Variants in NRXN1 observed in about 807,000 individuals in gnomAD.
NRXN1 encodes neurexin 1.
In NRXN1, 39 loss-of-function variants were observed where a neutral mutation model predicts 150.9. That is an observed-to-expected ratio of 0.26 (90% CI 0.20 to 0.34). The LOEUF is 0.34. NRXN1 is among the 10% of genes least tolerant of loss of function. The probability of loss-of-function intolerance (pLI) is 1.00; values close to 1 mark genes in which losing one functional copy is unlikely to be tolerated. For missense variants in NRXN1, 1,815 were observed against 1,949.9 expected (o/e 0.93, Z 1.30); for synonymous variants, 924 against 757.0 (o/e 1.22, Z -3.62).
intron 18 of NRXN1, among the ~76,000 whole-genome samples, chr2:50,211,110 G>A (rs2062982964): frequency 6.6e-6 from 1 of 151,380 alleles, no homozygotes; most frequent in South Asian, 2.1e-4. Flanking sequence ...ATTTAAAAGT[G>A]GCCACTAGAT....
chr2:50,306,770 C>A (rs933736347), intron 17 of NRXN1, among the ~76,000 whole-genome samples: 4 of 152,086 alleles, frequency 2.6e-5, no homozygotes, highest in Non-Finnish European at 4.4e-5. Flanking sequence ...TGAGTGTAAT[C>A]AAAATTCCAG....
chr2:50,739,930 T>A (rs913762946), intron 5 of NRXN1, among the ~76,000 whole-genome samples: 2 of 152,208 alleles, frequency 1.3e-5, no homozygotes, highest in Admixed American at 6.5e-5. Flanking sequence ...AAAAATTATC[T>A]GTGATTTAAA....
chr2:50,211,526 G>A (rs1286496100), intron 18 of NRXN1, among the ~76,000 whole-genome samples: 1 of 151,324 alleles, frequency 6.6e-6, no homozygotes, highest in East Asian at 1.9e-4. Flanking sequence ...AATATAATAT[G>A]CCTGTGATTT....
intron 18 of NRXN1, among the ~76,000 whole-genome samples, chr2:50,133,462 C>A (rs1705879259): frequency 6.6e-6 from 1 of 152,188 alleles, no homozygotes; most frequent in Non-Finnish European, 1.5e-5. Flanking sequence ...ATATGCCACA[C>A]CCATTTGACA....
chr2:50,166,325 T>TTTG (rs2059687781), intron 18 of NRXN1, among the ~76,000 whole-genome samples: 4 of 73,252 alleles, frequency 5.5e-5, no homozygotes, highest in East Asian at 3.9e-4. Context: ...GTGTGTGTGT[T>TTTG]TGTGTGTGTG....
intron 17 of NRXN1, among the ~76,000 whole-genome samples, chr2:50,328,836 A>G (rs1053676722): frequency 6.6e-6 from 1 of 152,148 alleles, no homozygotes; most frequent in African/African-American, 2.4e-5. Context: ...AAACCTCACT[A>G]TGCTAGTAAG....
chr2:50,275,663 C>A (rs1209100615), intron 17 of NRXN1, among the ~76,000 whole-genome samples: 3 of 152,062 alleles, frequency 2.0e-5, no homozygotes, highest in Admixed American at 6.6e-5. Context: ...ATTATTGATT[C>A]ATTGAGTCCC....
At chr2:50,386,528 T>C (rs928761248) in intron 17 of NRXN1, among the ~76,000 whole-genome samples, 2 of 152,098 alleles carry the variant, frequency 1.3e-5, no homozygotes, top group African/African-American at 4.8e-5. Flanking sequence ...AATAAGATTA[T>C]AGACTAATAA....
intron 9 of NRXN1, among the ~76,000 whole-genome samples, chr2:50,549,706 A>T (rs1278080835): frequency 6.6e-6 from 1 of 152,216 alleles, no homozygotes; most frequent in Non-Finnish European, 1.5e-5. Flanking sequence ...AACTCTTGGT[A>T]ATTTGGATGA....
intron 17 of NRXN1, among the ~76,000 whole-genome samples, chr2:50,286,158 G>A (rs538873458): frequency 6.6e-6 from 1 of 152,182 alleles, no homozygotes; most frequent in Non-Finnish European, 1.5e-5. Flanking sequence ...CACATCCACT[G>A]TCTTAGCATT....
chr2:50,038,598 T>C (rs1690409804), intron 21 of NRXN1, among the ~76,000 whole-genome samples: 1 of 152,218 alleles, frequency 6.6e-6, no homozygotes, highest in African/African-American at 2.4e-5. Context: ...GCTAAGTTTT[T>C]CTGGGATTCC....
At chr2:50,619,019 C>A (rs1264842661) in intron 8 of NRXN1, 48 of 152,154 alleles carry the variant, frequency 3.2e-4, no homozygotes, top group Admixed American at 3.1e-3. Context: ...GGCAACAAAT[C>A]AACCAGTATG....
At chr2:51,013,058 T>C (rs558388584) in intron 2 of NRXN1, among the ~76,000 whole-genome samples, 1 of 152,138 alleles carries the variant, frequency 6.6e-6, no homozygotes, top group East Asian at 1.9e-4. Context: ...TCTGTGGTTA[T>C]GCAGCAGGGC....
rs185093371 is a variant in NRXN1 at position 50,961,151 on chromosome 2, A to G, written c.773-35196T>C. Among the ~76,000 whole-genome samples, 12 of 152,022 alleles carry G rather than the reference A, an allele frequency of 7.9e-5. No individual in the cohort carries two copies. In the Middle Eastern group the frequency reaches 0.017, roughly 215 times the overall value. ...AAATAATTATTTATTCCCATCCACT[A>G]TGATATTTGTTTCTCTCGATAATCC... is the stretch of plus-strand genomic sequence containing the variant. On this transcript the variant is annotated intron_variant, in intron 2 of 22. Transcript: ENST00000401669.
At chr2:49,953,136 C>T (rs2104471727) in intron 21 of NRXN1, among the ~76,000 whole-genome samples, 1 of 152,270 alleles carries the variant, frequency 6.6e-6, no homozygotes, top group South Asian at 2.1e-4. Flanking sequence ...TAGATGAGAA[C>T]TTCCATTCCA....
Position 49,994,902 on chromosome 2 carries a change from A to C in NRXN1, c.4129-51111T>G, listed in dbSNP as rs548491107. 2.6e-5 allele frequency among the ~76,000 whole-genome samples: 4 copies of C among 152,360 alleles called. No individual in the cohort carries two copies. In the East Asian group the frequency reaches 7.7e-4, roughly 29 times the overall value. The stretch of plus-strand genomic sequence containing the variant: ...ATGGAAAAATCACTGAAGTGTGAGA[A>C]ACAGGATTCTGTCACACCAGTGCCT... On this transcript the variant is annotated intron_variant, in intron 21 of 22. Coordinates refer to ENST00000401669, the MANE Select transcript of NRXN1 (RefSeq NM_001330078.2).
At chr2:50,051,985 T>A (rs1040594293) in intron 21 of NRXN1, among the ~76,000 whole-genome samples, 7 of 152,068 alleles carry the variant, frequency 4.6e-5, no homozygotes, top group Non-Finnish European at 1.0e-4. Context: ...TAATTTGCAT[T>A]TTTTGTATTT....
At chr2:51,012,291 GA>G (rs1668003112) in intron 2 of NRXN1, among the ~76,000 whole-genome samples, 1 of 151,890 alleles carries the variant, frequency 6.6e-6, no homozygotes, top group Admixed American at 6.6e-5. Flanking sequence ...TTTTGATATG[GA>G]AGAATCCAGT....
chr2:50,979,695 T>C (rs1696482264), intron 2 of NRXN1, among the ~76,000 whole-genome samples: 1 of 152,082 alleles, frequency 6.6e-6, no homozygotes, highest in Non-Finnish European at 1.5e-5. Context: ...TAAAACCCCA[T>C]GGATTCTCAC....
Sources: allele counts gnomAD v4.1 joint callset (sites outside exome capture counted in the v4.1 genomes callset), GRCh38; gene constraint gnomAD v4.1.1; transcripts MANE v1.5; gene names NCBI Gene and HGNC (gene_info 2026-07-23, HGNC 2026-07-21).